IGSF9B: variants seen among roughly 807,000 people sequenced by gnomAD.
IGSF9B encodes immunoglobulin superfamily member 9B.
Under a neutral mutation model 143.7 loss-of-function variants are expected in IGSF9B, and 48 were observed. The observed-to-expected ratio is 0.33, with a 90% confidence interval of 0.26 to 0.42. IGSF9B has a LOEUF of 0.42. Among genes scored for constraint, IGSF9B ranks in the 20% least tolerant of loss-of-function variants. IGSF9B has a pLI of 1.00. For missense variants in IGSF9B, 1,706 were observed against 1,980.0 expected, an observed-to-expected ratio of 0.86 and a Z score of 2.63; for synonymous variants, 903 against 833.1, an observed-to-expected ratio of 1.08 and a Z score of -1.44.
intron 3 of IGSF9B, among the ~76,000 whole-genome samples, chr11:133,942,337 G>A (rs1240377105): frequency 1.3e-5 from 2 of 152,140 alleles, no homozygotes; most frequent in African/African-American, 2.4e-5. Flanking sequence ...CTTGCCCAGA[G>A]CCACACAGCT....
At chr11:133,940,360 C>CACAA (rs1939922425) in intron 3 of IGSF9B, among the ~76,000 whole-genome samples, 4 of 103,006 alleles carry the variant, frequency 3.9e-5, no homozygotes, top group Admixed American at 2.1e-4. Context: ...TCATCGCACG[C>CACAA]ACACACACCT....
intron 18 of IGSF9B, among the ~76,000 whole-genome samples, chr11:133,915,919 C>T (rs941068910): frequency 3.3e-5 from 5 of 152,158 alleles, no homozygotes; most frequent in South Asian, 2.1e-4. Flanking sequence ...GGGCCCACTG[C>T]GGGAGTCTGC....
Position 133,931,976 on chromosome 11 carries a change from G to A in IGSF9B, c.1110+95C>T. On this transcript the variant is annotated intron_variant, in intron 8 of 19. Transcript: ENST00000533871. This position sits in a 1 kb window ranked among gnomAD's most constrained non-coding sequence, Gnocchi z 7.7. ...TGTTTGCCCAGGGCTTTTGGAAGGG[G>A]CCAGGAGTCCTGGCAGAAATCCAGA... 2 of 1,522,940 alleles carry A rather than the reference G, an allele frequency of 1.3e-6. No homozygotes were observed. The highest frequency in any genetic ancestry group is 2.3e-5 in the East Asian group (1 of 43,490). The allele number at this position is 1,522,940 out of a possible 1,614,324, so 94.3% of individuals were successfully genotyped here.
At chr11:133,924,152 C>A (rs1240935646) in intron 15 of IGSF9B, among the ~76,000 whole-genome samples, 1 of 152,142 alleles carries the variant, frequency 6.6e-6, no homozygotes, top group African/African-American at 2.4e-5. Flanking sequence ...GTGAGCGGTG[C>A]CCAAGGAAAT....
Position 133,929,706 on chromosome 11 carries a change from G to A in IGSF9B, c.1596C>T (p.Gly532=). 2 of 1,613,704 alleles carry A rather than the reference G, an allele frequency of 1.2e-6. No individual in the cohort carries two copies. Among genetic ancestry groups the A allele is most frequent in the South Asian group, 2.2e-5 (2 of 91,084 alleles). The change falls in exon 12 of 20, where the codon GGC becomes GGT. Residue 532 remains glycine (G), a synonymous_variant. Coordinates refer to ENST00000533871, the MANE Select transcript of IGSF9B (RefSeq NM_001277285.4). ...ATGTCTGCTCGTAGCCTCCATCATA[G>A]CCTGGTTCCCAGGACACGTTGGCAG... The part of the protein sequence containing the change: ...MTTANVSWEP[G]YDGGYEQTFS...
At chr11:133,954,318 T>C (rs888383293) in intron 1 of IGSF9B, among the ~76,000 whole-genome samples, 1 of 152,054 alleles carries the variant, frequency 6.6e-6, no homozygotes, top group African/African-American at 2.4e-5. Context: ...CCGAGCAGCT[T>C]TGAGGCCCGC....
chr11:133,902,968 C>T lies in IGSF9B; in HGVS notation c.*6101G>A, dbSNP rs1428105108. ...TATGAAAACCCCACACGTGCATGCC[C>T]GCAGCATTTCTAAGGCCGAAAATGC... On this transcript the variant is annotated 3_prime_UTR_variant, in exon 20 of 20. Coordinates refer to ENST00000533871, the MANE Select transcript of IGSF9B (RefSeq NM_001277285.4). Among the ~76,000 whole-genome samples, 4 of 152,070 alleles carry T rather than the reference C, an allele frequency of 2.6e-5. No individual in the cohort carries two copies. The highest frequency in any genetic ancestry group is 2.1e-4 in the South Asian group (1 of 4,826).
At position 133,921,366 on chromosome 11, in the gene IGSF9B, T is replaced by A; in HGVS notation, c.2359A>T (p.Ile787Phe). 6.4e-7 allele frequency: 1 copy of A among 1,553,788 alleles called. No homozygotes were observed. The highest frequency in any genetic ancestry group is 8.7e-7 in the Non-Finnish European group (1 of 1,149,832). ...LSSGKVSPES[I>F]RTLRAPSESS... ...TCTGACGGCGCTCGGAGCGTGCGGA[T>A]GCTCTCGGGGCTCACCTTGCCAGAG... Residue 787 changes from isoleucine (I) to phenylalanine (F), a missense_variant, in exon 18 of 20, where the codon ATC becomes TTC. Ile to Phe is a conservative substitution (Grantham distance 21). Transcript: ENST00000533871.
In IGSF9B at chr11:133,919,802, C is replaced by T. The variant is rs768088471; in HGVS notation, c.3923G>A (p.Arg1308Gln). 2 of 1,510,136 alleles carry T rather than the reference C, an allele frequency of 1.3e-6. No individual in the cohort carries two copies. Among genetic ancestry groups the T allele is most frequent in the South Asian group, 1.3e-5 (1 of 74,564 alleles). 93.5% of individuals were successfully genotyped at this position (1,510,136 alleles called of 1,614,324 possible). A position where few individuals can be genotyped will look rare whatever the true frequency, so the allele number is the denominator to read the frequency against. Residue 1308 changes from arginine to glutamine, a missense_variant, in exon 18 of 20, where the codon CGA (arginine) becomes CAA (glutamine). Arg to Gln is a conservative substitution (Grantham distance 43). Coordinates refer to ENST00000533871, the MANE Select transcript of IGSF9B (RefSeq NM_001277285.4). ...LDVFGQTPSPRRTGEELLRPE... is the reference protein window; with the variant it reads ...LDVFGQTPSPQRTGEELLRPE... ...TCGGAGCAATTCCTCCCCCGTCCTT[C>T]GAGGGGAAGGCGTCTGTCCAAACAC...
chr11:133,915,630 T>C (rs1939366821), intron 18 of IGSF9B, among the ~76,000 whole-genome samples: 1 of 152,202 alleles, frequency 6.6e-6, no homozygotes, highest in South Asian at 2.1e-4. Flanking sequence ...GCTCTCAGCT[T>C]ACCCAGAAGA....
chr11:133,937,766 CG>C, intron 4 of IGSF9B, 43 bp downstream of exon 4: 1 of 1,589,042 alleles, frequency 6.3e-7, no homozygotes, highest in South Asian at 1.1e-5. Flanking sequence ...CCTGGGGAAA[CG>C]GGGGAAGAGA....
At position 133,909,694 on chromosome 11, in the gene IGSF9B, G is replaced by A. The variant is rs145987227; in HGVS notation, c.4106-417C>T. 6.6e-6 allele frequency among the ~76,000 whole-genome samples: 1 copy of A among 152,266 alleles called. No individual in the cohort carries two copies. The highest frequency in any genetic ancestry group is 1.9e-4 in the East Asian group (1 of 5,176). ...ACCGACTTTATACAAGATTTTAATC[G>A]CATGCAACGGTCAGGCCTTGACCCT... On this transcript the variant is annotated intron_variant, in intron 19 of 19. Coordinates refer to ENST00000533871, the MANE Select transcript of IGSF9B (RefSeq NM_001277285.4). The surrounding 1 kb of genome is among the most constrained non-coding windows in gnomAD (Gnocchi z 4.2).
chr11:133,919,915 C>T lies in IGSF9B; in HGVS notation c.3810G>A (p.Arg1270=). 6.4e-7 allele frequency: 1 copy of T among 1,565,360 alleles called. No individual in the cohort carries two copies. Among genetic ancestry groups the T allele is most frequent in the Non-Finnish European group, 8.7e-7 (1 of 1,154,632 alleles). Residue 1270 remains arginine (R), a synonymous_variant, in exon 18 of 20, where the codon CGG becomes CGA. Transcript: ENST00000533871. ...CCAGAGTGGTGAAGCCCATGGCGGG[C>T]CGGTAGCTGGGACTCCCACTGCGGC... The part of the protein sequence containing the change: ...QSSRSGSPSY[R]PAMGFTTLAT...
Position 133,902,362 on chromosome 11 carries a change from AAT to A in IGSF9B, c.*6705_*6706del, listed in dbSNP as rs1385857822. 2.8e-4 allele frequency among the ~76,000 whole-genome samples: 41 copies of A among 144,540 alleles called. No homozygotes were observed. The highest frequency in any genetic ancestry group is 2.6e-3 in the Admixed American group (38 of 14,550). The allele number at this position is 144,540 out of a possible 152,430, so 94.8% of individuals were successfully genotyped here. A position where few individuals can be genotyped will look rare whatever the true frequency, so the allele number is the denominator to read the frequency against. On this transcript the variant is annotated 3_prime_UTR_variant, in exon 20 of 20. Coordinates refer to ENST00000533871, the MANE Select transcript of IGSF9B (RefSeq NM_001277285.4). ...ACCCCACACACATACACAACCACAC[AAT>A]AGACACACCACACACAACACACCAC...
rs1400641423 is a variant in IGSF9B at position 133,897,228 on chromosome 11, A to C, written c.*11841T>G. On this transcript the variant is annotated 3_prime_UTR_variant, in exon 20 of 20. Transcript: ENST00000533871. The stretch of plus-strand genomic sequence containing the variant: ...GGAGGCAGAAAACAGGGGAGAGAGC[A>C]TCCCCCCTTCATTCCCACACCGCCC... 1.3e-5 allele frequency: 2 copies of C among 151,988 alleles called. No homozygotes were observed. Among genetic ancestry groups the C allele is most frequent in the African/African-American group, 4.8e-5 (2 of 41,338 alleles). The allele number at this position is 151,988 out of a possible 1,614,324, so 9.4% of individuals were successfully genotyped here.
At position 133,908,879 on chromosome 11, in the gene IGSF9B, T is replaced by G; in HGVS notation, c.*190A>C. The G allele has an allele frequency of 1.7e-6, 1 of 586,778 alleles. No homozygotes were observed. Among genetic ancestry groups the G allele is most frequent in the East Asian group, 2.8e-5 (1 of 35,530 alleles). The allele number at this position is 586,778 out of a possible 1,614,324, so 36.3% of individuals were successfully genotyped here. On this transcript the variant is annotated 3_prime_UTR_variant, in exon 20 of 20. Coordinates refer to ENST00000533871, the MANE Select transcript of IGSF9B (RefSeq NM_001277285.4). Reference sequence around the variant, plus strand: ...GACCTCGACCCACAGGTGGAAGGTGTGCCCACCCTCCGTCCTGAAGACAGG... The same window carrying G: ...GACCTCGACCCACAGGTGGAAGGTGGGCCCACCCTCCGTCCTGAAGACAGG...
Position 133,953,491 on chromosome 11 carries a change from C to T in IGSF9B, c.64+3200G>A, listed in dbSNP as rs909289514. ...TCCTTCTCAGCCGATAGGCTCACCA[C>T]GGGGTCTTGATAGCAACCTCTGAGT... On this transcript the variant is annotated intron_variant, in intron 1 of 19. Coordinates refer to ENST00000533871, the MANE Select transcript of IGSF9B (RefSeq NM_001277285.4). This position sits in a 1 kb window ranked among gnomAD's most constrained non-coding sequence, Gnocchi z 4.2. 1.3e-5 allele frequency among the ~76,000 whole-genome samples: 2 copies of T among 152,206 alleles called. No homozygotes were observed. The highest frequency in any genetic ancestry group is 2.9e-5 in the Non-Finnish European group (2 of 68,042).
At chr11:133,919,007 C>A (rs761354502) in intron 18 of IGSF9B, 1 of 483,546 alleles carries the variant, frequency 2.1e-6, no homozygotes. Flanking sequence ...CACAGGCAGG[C>A]GTCCAGGCCC....
In IGSF9B at chr11:133,908,792, C is replaced by T. The variant is rs1425923586; in HGVS notation, c.*277G>A. 5.1e-6 allele frequency: 2 copies of T among 389,870 alleles called. No homozygotes were observed. 24.2% of individuals were successfully genotyped at this position (389,870 alleles called of 1,614,324 possible). On this transcript the variant is annotated 3_prime_UTR_variant, in exon 20 of 20. Coordinates refer to ENST00000533871, the MANE Select transcript of IGSF9B (RefSeq NM_001277285.4). ...CATTGGAAGAGATGAGAAAAATCAA[C>T]CTAGTGAAGCAGGGGGCGGAGGGGA...
Sources: allele counts gnomAD v4.1 joint callset (sites outside exome capture counted in the v4.1 genomes callset), GRCh38; gene constraint gnomAD v4.1.1; non-coding constraint Gnocchi (gnomAD v3.1); transcripts MANE v1.5; gene names NCBI Gene and HGNC (gene_info 2026-07-23, HGNC 2026-07-21).